The following TENM2 variants were observed in gnomAD, a reference collection of about 807,000 sequenced individuals.
TENM2 encodes teneurin transmembrane protein 2.
Under a neutral mutation model 245.2 loss-of-function variants are expected in TENM2, and 52 were observed. That is an observed-to-expected ratio of 0.21 (90% CI 0.17 to 0.27). The LOEUF (loss-of-function observed/expected upper bound fraction) is 0.27. Among genes scored for constraint, TENM2 ranks in the 10% least tolerant of loss-of-function variants. The pLI, the probability that TENM2 is intolerant of heterozygous loss-of-function variation, is 1.00. For synonymous variants in TENM2, 1,363 were observed against 1,438.9 expected, an observed-to-expected ratio of 0.95 and a Z score of 1.19; for missense variants, 3,046 against 3,666.8, an observed-to-expected ratio of 0.83 and a Z score of 4.37.
At chr5:167,135,671 G>A in the TENM2 span, among the ~76,000 whole-genome samples, 2 of 152,240 alleles carry the variant, frequency 1.3e-5, no homozygotes, top group Admixed American at 6.5e-5. Context: ...CAGCTACTCA[G>A]GAGGCTGAGG....
At chr5:167,767,731 A>T (rs1763128600) in intron 2 of TENM2, among the ~76,000 whole-genome samples, 1 of 152,230 alleles carries the variant, frequency 6.6e-6, no homozygotes, top group Non-Finnish European at 1.5e-5. Context: ...TTTTAAAGGA[A>T]GAGGCTGCAG....
chr5:167,525,280 C>T (rs1460796115), intron 2 of TENM2, among the ~76,000 whole-genome samples: 5 of 152,250 alleles, frequency 3.3e-5, no homozygotes, highest in African/African-American at 9.6e-5. Flanking sequence ...TATTATGACA[C>T]TGTGATGACG....
chr5:167,780,160 T>G (rs188746265), intron 2 of TENM2, among the ~76,000 whole-genome samples: 2 of 152,366 alleles, frequency 1.3e-5, no homozygotes, highest in African/African-American at 4.8e-5. Flanking sequence ...CTATCAGCTC[T>G]TCTTACTTTG....
intron 14 of TENM2, among the ~76,000 whole-genome samples, chr5:168,194,697 A>G (rs1023438827): frequency 6.6e-6 from 1 of 152,070 alleles, no homozygotes; most frequent in Non-Finnish European, 1.5e-5. Flanking sequence ...AAGACAATGC[A>G]TGTGTATTTC....
chr5:167,793,831 AAAAAAAAAAG>A (rs1484110498), intron 2 of TENM2, among the ~76,000 whole-genome samples: 5 of 151,688 alleles, frequency 3.3e-5, no homozygotes, highest in African/African-American at 1.2e-4. Flanking sequence ...CCCTGTCTAA[AAAAAAAAAAG>A]AAAAAAAAAG....
Position 168,231,959 on chromosome 5 carries a change from C to T in TENM2, c.5520+3829C>T, listed in dbSNP as rs377437943. 1.1e-4 allele frequency among the ~76,000 whole-genome samples: 16 copies of T among 151,648 alleles called. No individual in the cohort carries two copies. The East Asian group carries it at 2.6e-3, about 24-fold the overall frequency. ...GCACATGCCTGTAGTCCCAGCTATT[C>T]GGGAGGCCAAGGCAGGAGGACTGCT... is the stretch of plus-strand genomic sequence containing the variant. On this transcript the variant is annotated intron_variant, in intron 25 of 28. Transcript: ENST00000518659.
At chr5:167,164,298 G>C in the TENM2 span, among the ~76,000 whole-genome samples, 3 of 152,164 alleles carry the variant, frequency 2.0e-5, no homozygotes, top group Non-Finnish European at 4.4e-5. Context: ...CTAACAAATG[G>C]AGTGGTTTGG....
exon 18 of TENM2, chr5:168,203,779 C>T (rs748957105): frequency 5.6e-6 from 9 of 1,613,574 alleles, no homozygotes; most frequent in Non-Finnish European, 6.8e-6. Flanking sequence ...CTGGACCCCT[C>T]CAACCTCGGT....
chr5:167,224,611 C>A, the TENM2 span, among the ~76,000 whole-genome samples: 18 of 151,784 alleles, frequency 1.2e-4, no homozygotes, highest in Non-Finnish European at 2.2e-4. Flanking sequence ...TACTTGGGAG[C>A]CTGGTAGTGT....
chr5:168,164,657 G>C (rs1256791047), intron 13 of TENM2, among the ~76,000 whole-genome samples: 1 of 152,148 alleles, frequency 6.6e-6, no homozygotes, highest in Non-Finnish European at 1.5e-5. Flanking sequence ...GGGGCTAAAT[G>C]AGGTTGGGTT....
At chr5:167,173,428 G>C in the TENM2 span, among the ~76,000 whole-genome samples, 4 of 152,270 alleles carry the variant, frequency 2.6e-5, no homozygotes, top group Non-Finnish European at 5.9e-5. Flanking sequence ...GTTCCCAGAT[G>C]GGCTAGGCTA....
At chr5:167,746,510 C>G (rs1483449405) in intron 2 of TENM2, among the ~76,000 whole-genome samples, 2 of 152,108 alleles carry the variant, frequency 1.3e-5, no homozygotes, top group Admixed American at 6.6e-5. Context: ...AATGGGATGA[C>G]CAGCCTCATA....
chr5:167,171,065 G>A, the TENM2 span, among the ~76,000 whole-genome samples: 2 of 151,986 alleles, frequency 1.3e-5, no homozygotes, highest in Admixed American at 6.6e-5. Flanking sequence ...TCTCTATCCG[G>A]GTGATTGCAT....
At chr5:168,163,171 C>A (rs147719247) in intron 13 of TENM2, among the ~76,000 whole-genome samples, 26 of 152,322 alleles carry the variant, frequency 1.7e-4, no homozygotes, top group Non-Finnish European at 3.2e-4. Flanking sequence ...AGATGTCACT[C>A]TACAGATGAG....
chr5:167,879,525 G>A (rs1381143442), intron 3 of TENM2, among the ~76,000 whole-genome samples: 1 of 152,172 alleles, frequency 6.6e-6, no homozygotes. Context: ...GCAGCATAAT[G>A]GAGGCCCCTG....
At chr5:168,120,390 C>T (rs552514113) in intron 10 of TENM2, among the ~76,000 whole-genome samples, 4 of 152,264 alleles carry the variant, frequency 2.6e-5, no homozygotes, top group South Asian at 4.1e-4. Context: ...AAGCTGCATT[C>T]GCTGAAAACA....
chr5:168,118,156 C>A, intron 9 of TENM2, 136 bp from the exon 12 acceptor site: 1 of 573,574 alleles, frequency 1.7e-6, no homozygotes, highest in Non-Finnish European at 2.9e-6. Context: ...TGGTTCTGCA[C>A]CTGCACAGCC....
chr5:168,188,336 C>A (rs1760656656), intron 13 of TENM2, among the ~76,000 whole-genome samples: 1 of 152,122 alleles, frequency 6.6e-6, no homozygotes, highest in South Asian at 2.1e-4. Context: ...CAAAAAAATG[C>A]CTTGCTATCA....
chr5:167,555,090 C>T (rs556245214), intron 2 of TENM2, among the ~76,000 whole-genome samples: 64 of 152,236 alleles, frequency 4.2e-4, no homozygotes, highest in African/African-American at 1.0e-3. Context: ...TGCGCGTGCA[C>T]GCACACACAC....
Sources: gnomAD v4.1 joint callset for allele counts (sites outside exome capture counted in the v4.1 genomes callset) on GRCh38, gnomAD v4.1.1 for gene constraint, MANE v1.5 for transcripts, NCBI Gene and HGNC (gene_info 2026-07-23, HGNC 2026-07-21) for gene names.